PCDH11X: variants seen among roughly 807,000 people sequenced by gnomAD.
The protein encoded by PCDH11X is protocadherin 11 X-linked.
A neutral mutation model predicts 53.3 loss-of-function variants in PCDH11X; 18 were observed. That is an observed-to-expected ratio of 0.34 (90% CI 0.23 to 0.50). The LOEUF (loss-of-function observed/expected upper bound fraction) is 0.50. Ranked by LOEUF, PCDH11X falls within the 20% of genes least tolerant of loss-of-function variation. The pLI is 0.98. For missense variants in PCDH11X, 570 were observed against 1,032.4 expected (o/e 0.55, Z 6.14); for synonymous variants, 279 against 393.3 (o/e 0.71, Z 3.44).
chrX:92,511,853 C>T (rs1425296909), intron 10 of PCDH11X, among the ~76,000 whole-genome samples: 7 of 110,652 alleles, frequency 6.3e-5, no homozygotes, highest in East Asian at 2.8e-4. Flanking sequence ...AAGGAACTTC[C>T]GCATTTCTGG....
intron 6 of PCDH11X, among the ~76,000 whole-genome samples, chrX:92,068,067 A>G (rs2063642721): frequency 9.1e-6 from 1 of 109,757 alleles, no homozygotes; most frequent in Non-Finnish European, 1.9e-5. Flanking sequence ...CGGGCTACAG[A>G]TTAGTAAATT....
At chrX:92,468,508 T>G (rs1056967077) in intron 10 of PCDH11X, among the ~76,000 whole-genome samples, 186 bp downstream of exon 10, 4 of 107,338 alleles carry the variant, frequency 3.7e-5, no homozygotes, top group African/African-American at 1.0e-4. Context: ...CAGTTGGATA[T>G]CTTATATATC....
chrX:92,465,111 C>T (rs1045258771), intron 9 of PCDH11X, among the ~76,000 whole-genome samples: 2 of 110,865 alleles, frequency 1.8e-5, no homozygotes, highest in African/African-American at 6.6e-5. Context: ...CTTTCCACTG[C>T]ACTCCTGCCT....
At chrX:91,999,643 A>G (rs1424384618) in intron 6 of PCDH11X, among the ~76,000 whole-genome samples, 2 of 109,998 alleles carry the variant, frequency 1.8e-5, no homozygotes, top group Non-Finnish European at 3.8e-5. Flanking sequence ...ACAGCTTCCT[A>G]CTTTTTAATT....
chrX:91,861,812 T>G (rs1938691968), intron 5 of PCDH11X, among the ~76,000 whole-genome samples: 1 of 111,928 alleles, frequency 8.9e-6, no homozygotes, highest in African/African-American at 3.3e-5. Context: ...CTCCCTTGGC[T>G]GAGGGTAGGA....
chrX:92,477,760 G>A (rs1313528293), intron 10 of PCDH11X, among the ~76,000 whole-genome samples: 1 of 105,761 alleles, frequency 9.5e-6, no homozygotes, highest in South Asian at 4.5e-4. Context: ...AGTATTGCCT[G>A]GGTATTATTG....
At chrX:92,461,538 G>A (rs1377174926) in intron 9 of PCDH11X, among the ~76,000 whole-genome samples, 1 of 112,054 alleles carries the variant, frequency 8.9e-6, no homozygotes, top group Non-Finnish European at 1.9e-5. Flanking sequence ...CGTATCTCTT[G>A]CTATATACAA....
intron 9 of PCDH11X, among the ~76,000 whole-genome samples, chrX:92,393,412 A>C (rs1325191962): frequency 9.1e-6 from 1 of 110,023 alleles, no homozygotes; most frequent in Non-Finnish European, 1.9e-5. Flanking sequence ...ATTTCTAAGG[A>C]GTGATGTTAT....
At chrX:92,389,482 T>G (rs2071079345) in intron 9 of PCDH11X, among the ~76,000 whole-genome samples, 1 of 111,193 alleles carries the variant, frequency 9.0e-6, no homozygotes, top group Admixed American at 9.6e-5. Flanking sequence ...TAGAAAGAGT[T>G]GATTCATTTG....
At chrX:92,373,386 T>C (rs1274384213) in intron 8 of PCDH11X, among the ~76,000 whole-genome samples, 2 of 111,513 alleles carry the variant, frequency 1.8e-5, no homozygotes, top group Non-Finnish European at 3.8e-5. Context: ...TTTTCTGTCC[T>C]CGAAGACAAG....
At chrX:92,065,508 A>G (rs1184153909) in intron 6 of PCDH11X, among the ~76,000 whole-genome samples, 6 of 111,503 alleles carry the variant, frequency 5.4e-5, no homozygotes, top group Non-Finnish European at 1.1e-4. Flanking sequence ...TCTTTTCTCC[A>G]CATCCTTACC....
intron 6 of PCDH11X, among the ~76,000 whole-genome samples, chrX:92,037,228 G>A (rs1485892358): frequency 1.8e-5 from 2 of 108,368 alleles, no homozygotes; most frequent in Non-Finnish European, 3.8e-5. Context: ...CCTCCCAACC[G>A]GCCCCAGTGT....
At chrX:92,293,572 G>A (rs1303850805) in intron 8 of PCDH11X, among the ~76,000 whole-genome samples, 6 of 104,033 alleles carry the variant, frequency 5.8e-5, no homozygotes, top group Admixed American at 3.2e-4. Context: ...GCAGTAAGCC[G>A]AGATCGCGCC....
At chrX:92,188,898 T>C (rs1466854543) in intron 6 of PCDH11X, among the ~76,000 whole-genome samples, 1 of 111,570 alleles carries the variant, frequency 9.0e-6, no homozygotes, top group Admixed American at 9.6e-5. Context: ...CACAGATTTA[T>C]GTGACTTTTA....
intron 8 of PCDH11X, among the ~76,000 whole-genome samples, chrX:92,315,541 T>A (rs1241316947): frequency 1.8e-5 from 2 of 110,753 alleles, no homozygotes; most frequent in Non-Finnish European, 3.8e-5. Context: ...ATTATTTAAG[T>A]TTTTTTTGTT....
chrX:92,332,623 A>G (rs1419838280), intron 8 of PCDH11X, among the ~76,000 whole-genome samples: 4 of 112,297 alleles, frequency 3.6e-5, no homozygotes, highest in Admixed American at 1.9e-4. Flanking sequence ...ATAAATGACA[A>G]CTTATCCTTA....
intron 8 of PCDH11X, among the ~76,000 whole-genome samples, chrX:92,280,275 G>C (rs1371193491): frequency 9.0e-6 from 1 of 111,626 alleles, no homozygotes; most frequent in African/African-American, 3.3e-5. Context: ...TGTCAGCCAG[G>C]AGCGGTGGCT....
At chrX:92,345,026 C>A (rs2069856516) in intron 8 of PCDH11X, among the ~76,000 whole-genome samples, 1 of 109,647 alleles carries the variant, frequency 9.1e-6, no homozygotes, top group Non-Finnish European at 1.9e-5. Context: ...AATATTCTTT[C>A]TCTGTTTCTT....
intron 6 of PCDH11X, among the ~76,000 whole-genome samples, chrX:91,960,829 A>G (rs1264691642): frequency 3.6e-5 from 4 of 111,252 alleles, no homozygotes; most frequent in Non-Finnish European, 7.5e-5. Context: ...TCCCCAACAC[A>G]GTTTGTTGAA....
Sources: allele counts gnomAD v4.1 joint callset (sites outside exome capture counted in the v4.1 genomes callset), GRCh38; gene constraint gnomAD v4.1.1; transcripts MANE v1.5; gene names NCBI Gene and HGNC (gene_info 2026-07-23, HGNC 2026-07-21).